Variants in ZNF385D observed in about 807,000 individuals in gnomAD.
ZNF385D encodes the protein zinc finger protein 659.
In ZNF385D, 15 loss-of-function variants were observed where a neutral mutation model predicts 35.8. That is an observed-to-expected ratio of 0.42 (90% CI 0.28 to 0.64). The LOEUF (loss-of-function observed/expected upper bound fraction) is 0.64. Ranked by LOEUF, ZNF385D falls within the 30% of genes least tolerant of loss-of-function variation. The probability of loss-of-function intolerance (pLI) is 0.23; values close to 1 mark genes in which losing one functional copy is unlikely to be tolerated. For missense variants in ZNF385D, 474 were observed against 494.6 expected (o/e 0.96, Z 0.39); for synonymous variants, 212 against 186.8 (o/e 1.13, Z -1.10).
intron 2 of ZNF385D, among the ~76,000 whole-genome samples, chr3:22,263,474 C>T (rs1456246339): frequency 6.6e-6 from 1 of 151,950 alleles, no homozygotes; most frequent in African/African-American, 2.4e-5. Context: ...TAGTGCTCTG[C>T]TTCCTTGATT....
At chr3:22,039,621 T>C (rs1031431424) in intron 3 of ZNF385D, among the ~76,000 whole-genome samples, 1 of 152,110 alleles carries the variant, frequency 6.6e-6, no homozygotes, top group Non-Finnish European at 1.5e-5. Flanking sequence ...AATGACAATT[T>C]CATTCAACCT....
intron 3 of ZNF385D, among the ~76,000 whole-genome samples, chr3:21,946,616 G>C (rs532501912): frequency 4.6e-5 from 7 of 152,238 alleles, no homozygotes; most frequent in South Asian, 2.1e-4. Flanking sequence ...TGGATCACTT[G>C]AGCTCAGGAG....
rs560012654 is a variant in ZNF385D, at chr3:21,614,146, A to G, written c.166-49462T>C. ...TGGGTGGCTTTACTAACAGAAATTC[A>G]TTTCTCACAGTTCTGGAGGCTGCAA... On this transcript the variant is annotated intron_variant, in intron 2 of 7. Coordinates refer to ENST00000281523, the MANE Select transcript of ZNF385D (RefSeq NM_024697.3). Among the ~76,000 whole-genome samples, 6 of 152,318 alleles carry G rather than the reference A, an allele frequency of 3.9e-5. No individual in the cohort carries two copies. In the South Asian group the frequency reaches 1.2e-3, roughly 32 times the overall value.
At chr3:22,032,457 A>G (rs555952861) in intron 3 of ZNF385D, among the ~76,000 whole-genome samples, 7 of 152,280 alleles carry the variant, frequency 4.6e-5, no homozygotes, top group African/African-American at 1.2e-4. Flanking sequence ...CATGGAGGAA[A>G]CTATGCCCAT....
intron 3 of ZNF385D, among the ~76,000 whole-genome samples, chr3:22,084,236 T>C (rs965473614): frequency 5.3e-5 from 8 of 152,098 alleles, no homozygotes; most frequent in Non-Finnish European, 1.2e-4. Flanking sequence ...ATAACAATAT[T>C]AACCTTAAAT....
At chr3:22,308,684 G>A (rs1363446454) in intron 2 of ZNF385D, among the ~76,000 whole-genome samples, 1 of 151,954 alleles carries the variant, frequency 6.6e-6, no homozygotes, top group Non-Finnish European at 1.5e-5. Context: ...TTACTAAAAG[G>A]GGAACTCATG....
upstream of ZNF385D, among the ~76,000 whole-genome samples, chr3:21,755,395 C>T (rs952072928): frequency 1.3e-5 from 2 of 152,142 alleles, no homozygotes; most frequent in Non-Finnish European, 2.9e-5. Context: ...AGTCCCTATT[C>T]GCTTCTCCAT....
At chr3:22,370,534 C>A (rs573700038) in intron 2 of ZNF385D, among the ~76,000 whole-genome samples, 19 of 148,236 alleles carry the variant, frequency 1.3e-4, no homozygotes, top group African/African-American at 3.7e-4. Flanking sequence ...TATGGTATTA[C>A]AATCACTGTA....
intron 2 of ZNF385D, among the ~76,000 whole-genome samples, chr3:21,584,353 A>G (rs1013840091): frequency 6.6e-6 from 1 of 152,196 alleles, no homozygotes; most frequent in East Asian, 1.9e-4. Flanking sequence ...ATTGTTCCAG[A>G]CTTTGTCTGT....
At chr3:22,337,697 A>G (rs188696646) in intron 2 of ZNF385D, among the ~76,000 whole-genome samples, 1 of 152,354 alleles carries the variant, frequency 6.6e-6, no homozygotes, top group East Asian at 1.9e-4. Flanking sequence ...AACAGCAGAA[A>G]TAATTAAAAG....
At chr3:21,712,533 T>C (rs1270426235) in intron 1 of ZNF385D, among the ~76,000 whole-genome samples, 1 of 152,198 alleles carries the variant, frequency 6.6e-6, no homozygotes, top group Non-Finnish European at 1.5e-5. Flanking sequence ...TTATTTTAAA[T>C]AATAGAAAAG....
At chr3:21,964,607 C>T (rs6550640) in intron 3 of ZNF385D, among the ~76,000 whole-genome samples, 10,838 of 149,942 alleles carry the variant, frequency 0.072, 1,284 homozygotes, top group African/African-American at 0.25. Context: ...CTCCTGCCTC[C>T]GCCTCCTGAG....
intron 2 of ZNF385D, among the ~76,000 whole-genome samples, chr3:22,280,237 T>C (rs1227437249): frequency 1.3e-5 from 2 of 152,164 alleles, no homozygotes; most frequent in Non-Finnish European, 2.9e-5. Context: ...CTGTGTACTC[T>C]GTTGATTGTT....
At chr3:21,561,220 G>A (rs1010031662) in intron 3 of ZNF385D, among the ~76,000 whole-genome samples, 1 of 152,136 alleles carries the variant, frequency 6.6e-6, no homozygotes, top group Non-Finnish European at 1.5e-5. Flanking sequence ...ACGTAGCTTG[G>A]TTTCTGTCCA....
At chr3:21,671,856 T>A (rs2066586950) in intron 1 of ZNF385D, among the ~76,000 whole-genome samples, 1 of 152,136 alleles carries the variant, frequency 6.6e-6, no homozygotes, top group Non-Finnish European at 1.5e-5. Flanking sequence ...ATCCCCAGCA[T>A]GGGAACATGC....
chr3:21,472,845 A>T (rs973698507), intron 4 of ZNF385D, among the ~76,000 whole-genome samples: 6 of 151,976 alleles, frequency 3.9e-5, no homozygotes. Context: ...GCCTGCCCAC[A>T]TTGCTGGGTA....
chr3:22,205,843 G>T (rs1045778611), intron 2 of ZNF385D, among the ~76,000 whole-genome samples: 1 of 151,888 alleles, frequency 6.6e-6, no homozygotes, highest in Non-Finnish European at 1.5e-5. Context: ...AAGAAAGAAG[G>T]AAGAGAAGAC....
chr3:22,200,951 T>C lies in ZNF385D; in HGVS notation c.107-31916A>G, dbSNP rs149186204. ...GTTACCCTGGTCTTTTTTCAAGGTGTCCAGATTTCATATTGTTCAAACACA... is the reference window on the plus strand; with the variant it reads ...GTTACCCTGGTCTTTTTTCAAGGTGCCCAGATTTCATATTGTTCAAACACA... On this transcript the variant is annotated intron_variant, in intron 2 of 5. Transcript: ENST00000494108. Among the ~76,000 whole-genome samples the C allele has an allele frequency of 1.5e-3, 233 of 152,224 alleles. 1 individual carries two copies. Among genetic ancestry groups the C allele is most frequent in the African/African-American group, 5.2e-3 (218 of 41,558 alleles).
chr3:22,119,987 T>C (rs1703004297), intron 3 of ZNF385D, among the ~76,000 whole-genome samples: 1 of 105,266 alleles, frequency 9.5e-6, no homozygotes, highest in Non-Finnish European at 1.8e-5. Context: ...CAATTTTTTT[T>C]CTTTTTTCTT....
Sources: allele counts gnomAD v4.1 joint callset (sites outside exome capture counted in the v4.1 genomes callset), GRCh38; gene constraint gnomAD v4.1.1; transcripts MANE v1.5; gene names NCBI Gene and HGNC (gene_info 2026-07-23, HGNC 2026-07-21).